Variants in SWT1 observed in about 807,000 individuals in gnomAD.
The protein encoded by SWT1 is transcriptional protein SWT1.
A neutral mutation model predicts 107.3 loss-of-function variants in SWT1; 33 were observed. The ratio of observed to expected loss-of-function variants is 0.31; its 90% confidence interval spans 0.23 to 0.41. SWT1 has a LOEUF of 0.41. Ranked by LOEUF, SWT1 falls within the 10% of genes least tolerant of loss-of-function variation. The pLI is 1.00. For synonymous variants in SWT1, 345 were observed against 348.3 expected (o/e 0.99, Z 0.11); for missense variants, 898 against 1,028.9 (o/e 0.87, Z 1.74).
chr1:185,183,216 G>A (rs1353920021), intron 7 of SWT1, among the ~76,000 whole-genome samples: 2 of 151,148 alleles, frequency 1.3e-5, no homozygotes, highest in Non-Finnish European at 2.9e-5. Context: ...TGTATTATCT[G>A]ATCCTCAAAA....
intron 10 of SWT1, among the ~76,000 whole-genome samples, chr1:185,196,699 G>A (rs1350736302): frequency 6.6e-5 from 10 of 151,996 alleles, no homozygotes; most frequent in South Asian, 4.1e-4. Context: ...GAGGTCCTTC[G>A]CATCCCTTGT....
intron 4 of SWT1, among the ~76,000 whole-genome samples, chr1:185,169,422 A>C (rs892588828): frequency 6.6e-6 from 1 of 152,060 alleles, no homozygotes; most frequent in Non-Finnish European, 1.5e-5. Context: ...TTTTATAAAA[A>C]TCTCCGTATT....
chr1:185,269,548 C>T (rs1007427860), intron 16 of SWT1, among the ~76,000 whole-genome samples: 1 of 151,880 alleles, frequency 6.6e-6, no homozygotes, highest in Admixed American at 6.6e-5. Flanking sequence ...AAAGCTCTCC[C>T]GCAAGTGTAA....
intron 10 of SWT1, among the ~76,000 whole-genome samples, chr1:185,197,615 TTGC>T (rs776296345): frequency 6.6e-6 from 1 of 152,220 alleles, no homozygotes; most frequent in Non-Finnish European, 1.5e-5. Context: ...AGGCTATTAA[TTGC>T]TGCCTCAATT....
At chr1:185,268,219 A>C (rs190487516) in intron 16 of SWT1, among the ~76,000 whole-genome samples, 10 of 152,374 alleles carry the variant, frequency 6.6e-5, no homozygotes, top group African/African-American at 2.4e-4. Flanking sequence ...TGATTATAAA[A>C]GTAATATAGC....
chr1:185,234,952 G>A (rs1335440613), intron 16 of SWT1, among the ~76,000 whole-genome samples: 2 of 152,182 alleles, frequency 1.3e-5, no homozygotes, highest in Non-Finnish European at 2.9e-5. Context: ...AAATAAATTA[G>A]AAAATCTAGA....
intron 16 of SWT1, among the ~76,000 whole-genome samples, chr1:185,258,688 C>CT (rs914489267): frequency 1.4e-4 from 21 of 151,980 alleles, no homozygotes; most frequent in East Asian, 3.9e-4. Context: ...CAACATGTTG[C>CT]TTTTTTTGCT....
Position 185,291,318 on chromosome 1 carries a change from C to T in SWT1, c.*515C>T, listed in dbSNP as rs946683587. 6 of 152,638 alleles carry T rather than the reference C, an allele frequency of 3.9e-5. No homozygotes were observed. Among genetic ancestry groups the T allele is most frequent in the African/African-American group, 9.7e-5 (4 of 41,430 alleles). The allele number at this position is 152,638 out of a possible 1,614,324, so 9.5% of individuals were successfully genotyped here. ...GTTGACCTGATGAAAATAACACCCT[C>T]CTTCACCTCCCTCAGGGTAATGAAA... On this transcript the variant is annotated 3_prime_UTR_variant, in exon 19 of 19. Coordinates refer to ENST00000367500, the MANE Select transcript of SWT1 (RefSeq NM_017673.7).
intron 1 of SWT1, among the ~76,000 whole-genome samples, chr1:185,158,969 C>A (rs987278883): frequency 7.2e-5 from 11 of 152,150 alleles, no homozygotes; most frequent in African/African-American, 2.4e-4. Flanking sequence ...AGGTAACACA[C>A]TCACATGCCT....
At chr1:185,274,661 T>A (rs1038446907) in intron 17 of SWT1, among the ~76,000 whole-genome samples, 4 of 152,254 alleles carry the variant, frequency 2.6e-5, no homozygotes, top group Admixed American at 2.0e-4. Context: ...TGGCTTTTAC[T>A]GTAAGTAGTA....
intron 4 of SWT1, among the ~76,000 whole-genome samples, chr1:185,173,621 A>C (rs1464749825): frequency 6.6e-6 from 1 of 151,266 alleles, no homozygotes; most frequent in African/African-American, 2.4e-5. Context: ...AGGCAGGAGG[A>C]TCTCTTGAGC....
Position 185,290,566 on chromosome 1 carries a change from A to G in SWT1, c.2574-108A>G, listed in dbSNP as rs1284812273. 1.4e-5 allele frequency: 10 copies of G among 705,994 alleles called. No homozygotes were observed. The East Asian group carries it at 3.1e-4, about 22-fold the overall frequency. The allele number at this position is 705,994 out of a possible 1,614,324, so 43.7% of individuals were successfully genotyped here. A position where few individuals can be genotyped will look rare whatever the true frequency, so the allele number is the denominator to read the frequency against. On this transcript the variant is annotated intron_variant, in intron 18 of 18. Coordinates refer to ENST00000367500, the MANE Select transcript of SWT1 (RefSeq NM_017673.7). ...TTCAGAATATCATGTTATACATAAT[A>G]TATATATATTTTTTATTTGTCAATT...
At chr1:185,259,685 C>T (rs1447088127) in intron 16 of SWT1, among the ~76,000 whole-genome samples, 1 of 152,070 alleles carries the variant, frequency 6.6e-6, no homozygotes, top group Non-Finnish European at 1.5e-5. Flanking sequence ...CTAAAGTACT[C>T]TCTTTTCTAC....
intron 14 of SWT1, among the ~76,000 whole-genome samples, chr1:185,217,980 A>G (rs976289713): frequency 6.6e-6 from 1 of 152,224 alleles, no homozygotes; most frequent in Non-Finnish European, 1.5e-5. Flanking sequence ...TCCTGAAACC[A>G]TCCTCCCGCT....
At chr1:185,203,905 A>G (rs2050566) in intron 11 of SWT1, among the ~76,000 whole-genome samples, 55,086 of 151,930 alleles carry the variant, frequency 0.36, 10,163 homozygotes, top group African/African-American at 0.4. Context: ...CTTTGAAGGA[A>G]TAACAGGATA....
chr1:185,168,383 G>C lies in SWT1; in HGVS notation c.209G>C (p.Arg70Thr). The change falls in exon 4 of 19, where the codon AGA becomes ACA. Residue 70 changes from arginine (R) to threonine (T), a missense_variant. Physicochemically the swap from Arg to Thr is moderately conservative, Grantham distance 71. This residue lies in a region of SWT1 where 382 missense variants were observed against 362.4 expected (regional missense o/e 1.05). Coordinates refer to ENST00000367500, the MANE Select transcript of SWT1 (RefSeq NM_017673.7). ...GTTCTGTACTATAATATAAAAAGAA[G>C]ACAAGGACTGAAAAGGTAAATTTCT... ...TDVLYYNIKR[R>T]QGLKRLSVEI... The C allele has an allele frequency of 7.2e-7, 1 of 1,381,148 alleles. No individual in the cohort carries two copies. Among genetic ancestry groups the C allele is most frequent in the Non-Finnish European group, 9.7e-7 (1 of 1,028,576 alleles). The allele number at this position is 1,381,148 out of a possible 1,614,324, so 85.6% of individuals were successfully genotyped here. A position where few individuals can be genotyped will look rare whatever the true frequency, so the allele number is the denominator to read the frequency against.
chr1:185,280,971 A>C, intron 18 of SWT1: 1 of 463,678 alleles, frequency 2.2e-6, no homozygotes, highest in Non-Finnish European at 4.4e-6. Flanking sequence ...GGGTCATGGC[A>C]AAAGAAAATA....
At chr1:185,239,824 A>C (rs1322112071) in intron 16 of SWT1, among the ~76,000 whole-genome samples, 1 of 152,104 alleles carries the variant, frequency 6.6e-6, no homozygotes, top group Non-Finnish European at 1.5e-5. Flanking sequence ...AAGACCACAG[A>C]AACCTTTTGC....
chr1:185,259,381 A>G (rs918742512), intron 16 of SWT1, among the ~76,000 whole-genome samples: 2 of 152,186 alleles, frequency 1.3e-5, no homozygotes, highest in African/African-American at 2.4e-5. Flanking sequence ...CTACGTGGTC[A>G]TTTGAATCTT....
Sources: gnomAD v4.1 joint callset for allele counts (sites outside exome capture counted in the v4.1 genomes callset) on GRCh38, gnomAD v4.1.1 for gene constraint, gnomAD v4.1.1 regional missense constraint, MANE v1.5 for transcripts, NCBI Gene and HGNC (gene_info 2026-07-23, HGNC 2026-07-21) for gene names.